ARHGAP26: variants seen among roughly 807,000 people sequenced by gnomAD.
ARHGAP26 encodes rho GTPase-activating protein 26.
A neutral mutation model predicts 104.8 loss-of-function variants in ARHGAP26; 38 were observed. That is an observed-to-expected ratio of 0.36 (90% confidence interval 0.28 to 0.48). The LOEUF (loss-of-function observed/expected upper bound fraction) is 0.48. Among genes scored for constraint, ARHGAP26 ranks in the 20% least tolerant of loss-of-function variants. ARHGAP26 has a pLI of 0.99. For missense variants in ARHGAP26, 704 were observed against 947.9 expected (o/e 0.74, Z 3.38); for synonymous variants, 341 against 340.0 (o/e 1.00, Z -0.03).
chr5:142,965,292 C>T (rs576806887), intron 11 of ARHGAP26, among the ~76,000 whole-genome samples: 1 of 152,310 alleles, frequency 6.6e-6, no homozygotes, highest in East Asian at 1.9e-4. Flanking sequence ...GTCAGGCCCT[C>T]CACAAGAGGT....
At chr5:142,954,306 CG>C (rs1448627490) in intron 11 of ARHGAP26, among the ~76,000 whole-genome samples, 2 of 152,202 alleles carry the variant, frequency 1.3e-5, no homozygotes, top group Admixed American at 6.5e-5. Flanking sequence ...TCTCTGCTCC[CG>C]TGGTCAGAAT....
intron 1 of ARHGAP26, among the ~76,000 whole-genome samples, chr5:142,803,558 G>A (rs1762438382): frequency 6.6e-6 from 1 of 152,184 alleles, no homozygotes; most frequent in African/African-American, 2.4e-5. Flanking sequence ...TTTTTGTTGA[G>A]AAATAAGCCG....
chr5:143,040,042 TC>T (rs2150139038), intron 13 of ARHGAP26, among the ~76,000 whole-genome samples: 1 of 152,298 alleles, frequency 6.6e-6, no homozygotes, highest in East Asian at 1.9e-4. Context: ...TGAACAGACT[TC>T]CCATACTCTC....
At chr5:142,790,412 A>T (rs1759557543) in intron 1 of ARHGAP26, among the ~76,000 whole-genome samples, 1 of 152,210 alleles carries the variant, frequency 6.6e-6, no homozygotes. Context: ...GCAGAATGAT[A>T]TTCTTACTCA....
Position 143,177,778 on chromosome 5 carries a change from T to C in ARHGAP26, c.1989-29420T>C, listed in dbSNP as rs539992092. Among the ~76,000 whole-genome samples, 15 of 152,356 alleles carry C rather than the reference T, an allele frequency of 9.8e-5. No individual in the cohort carries two copies. In the East Asian group the frequency reaches 2.9e-3, roughly 29 times the overall value. ...GTTGCCCATTTTCTTCTCTGATTCC[T>C]GCTCTAAGCTGTAACGTAGGTCAGG... is the stretch of plus-strand genomic sequence containing the variant. On this transcript the variant is annotated intron_variant, in intron 20 of 22. Coordinates refer to ENST00000645722, the MANE Select transcript of ARHGAP26 (RefSeq NM_001135608.3).
intron 18 of ARHGAP26, among the ~76,000 whole-genome samples, chr5:143,122,568 G>T (rs116761063): frequency 0.054 from 8,148 of 152,238 alleles, 305 homozygotes; most frequent in Non-Finnish European, 0.078. Context: ...TTCTAGAATT[G>T]GGCAACACCT....
intron 14 of ARHGAP26, among the ~76,000 whole-genome samples, chr5:143,045,451 C>T (rs1784081335): frequency 6.6e-6 from 1 of 152,174 alleles, no homozygotes; most frequent in African/African-American, 2.4e-5. Context: ...GGAGCTTCAT[C>T]TTCTCTTTTG....
intron 13 of ARHGAP26, among the ~76,000 whole-genome samples, chr5:143,040,612 G>A (rs1783317911): frequency 6.6e-6 from 1 of 152,218 alleles, no homozygotes; most frequent in Non-Finnish European, 1.5e-5. Context: ...ATTGTTAACT[G>A]CTATAAAGAA....
intron 13 of ARHGAP26, among the ~76,000 whole-genome samples, chr5:143,038,119 T>C (rs1056217389): frequency 6.6e-6 from 1 of 152,244 alleles, no homozygotes; most frequent in African/African-American, 2.4e-5. Context: ...CTGGATTTGA[T>C]TTGAACCGTT....
intron 1 of ARHGAP26, among the ~76,000 whole-genome samples, chr5:142,861,003 C>A (rs554533313): frequency 1.3e-5 from 2 of 152,178 alleles, no homozygotes; most frequent in Non-Finnish European, 2.9e-5. Context: ...CTATTGCAAG[C>A]GGTGTTCAGA....
intron 11 of ARHGAP26, among the ~76,000 whole-genome samples, chr5:143,003,283 A>G (rs957324106): frequency 6.6e-6 from 1 of 152,182 alleles, no homozygotes; most frequent in Non-Finnish European, 1.5e-5. Flanking sequence ...ATATCAGCTT[A>G]ATTTGAAATT....
rs148788711 is a variant in ARHGAP26 at position 143,105,232 on chromosome 5, C to G, written c.1539-15756C>G. On this transcript the variant is annotated intron_variant, in intron 17 of 22. Coordinates refer to ENST00000645722, the MANE Select transcript of ARHGAP26 (RefSeq NM_001135608.3). ...CTCTACTAAAAATACAAAAAATTAGCTAGGCATGGTGGCACATGATTGTAA... is the reference window on the plus strand; with the variant it reads ...CTCTACTAAAAATACAAAAAATTAGGTAGGCATGGTGGCACATGATTGTAA... 8.4e-3 allele frequency among the ~76,000 whole-genome samples: 1,276 copies of G among 152,022 alleles called. 16 individuals carry two copies. Among genetic ancestry groups the G allele is most frequent in the African/African-American group, 0.029 (1,191 of 41,494 alleles).
At chr5:143,186,410 A>T (rs1200441516) in intron 20 of ARHGAP26, among the ~76,000 whole-genome samples, 2 of 152,056 alleles carry the variant, frequency 1.3e-5, no homozygotes, top group African/African-American at 2.4e-5. Flanking sequence ...GTGCCTAGGG[A>T]CTCAGACTCC....
At chr5:143,039,354 C>T (rs184882387) in intron 13 of ARHGAP26, among the ~76,000 whole-genome samples, 1 of 148,936 alleles carries the variant, frequency 6.7e-6, no homozygotes, top group East Asian at 2.0e-4. Flanking sequence ...ATTACAGGCG[C>T]CTGCCACCAT....
intron 1 of ARHGAP26, among the ~76,000 whole-genome samples, chr5:142,831,227 CTCAG>C (rs1768362990): frequency 6.6e-6 from 1 of 152,214 alleles, no homozygotes; most frequent in African/African-American, 2.4e-5. Context: ...ATACTCTGTG[CTCAG>C]TCATTTGATA....
chr5:142,879,286 G>A, intron 3 of ARHGAP26, 88 bp from the exon 4 acceptor site: 1 of 1,198,996 alleles, frequency 8.3e-7, no homozygotes, highest in Non-Finnish European at 1.2e-6. Flanking sequence ...TTTAAGACAT[G>A]GGGAGGCATC....
At chr5:142,810,432 C>T (rs1023508370) in intron 1 of ARHGAP26, among the ~76,000 whole-genome samples, 2 of 152,058 alleles carry the variant, frequency 1.3e-5, no homozygotes, top group African/African-American at 2.4e-5. Flanking sequence ...CTGTTGTTAA[C>T]TTCATAATAT....
chr5:142,870,846 C>T (rs1460142549), intron 1 of ARHGAP26, among the ~76,000 whole-genome samples: 1 of 152,166 alleles, frequency 6.6e-6, no homozygotes, highest in Non-Finnish European at 1.5e-5. Flanking sequence ...TGGGGTTGAT[C>T]ACCCTGTCAC....
intron 3 of ARHGAP26, 112 bp downstream of exon 3, chr5:142,875,283 T>C: frequency 9.2e-7 from 1 of 1,085,032 alleles, no homozygotes; most frequent in Non-Finnish European, 1.4e-6. Flanking sequence ...TTTGAATGTT[T>C]TGAGCTCTTC....
Sources: allele counts gnomAD v4.1 joint callset (sites outside exome capture counted in the v4.1 genomes callset), GRCh38; gene constraint gnomAD v4.1.1; transcripts MANE v1.5; gene names NCBI Gene and HGNC (gene_info 2026-07-23, HGNC 2026-07-21).